CENPU: variants seen among roughly 807,000 people sequenced by gnomAD.
CENPU encodes KSHV latent nuclear antigen interacting protein 1.
In CENPU, 46 loss-of-function variants were observed where a neutral mutation model predicts 56.7. The ratio of observed to expected loss-of-function variants is 0.81; its 90% confidence interval spans 0.64 to 1.04. The LOEUF (loss-of-function observed/expected upper bound fraction) is 1.04. CENPU is among the 50% of genes least tolerant of loss of function. CENPU has a pLI of 0.00. For synonymous variants in CENPU, 166 were observed against 163.0 expected, an observed-to-expected ratio of 1.02 and a Z score of -0.14; for missense variants, 510 against 490.1, an observed-to-expected ratio of 1.04 and a Z score of -0.38.
At chr4:184,702,191 T>TA (rs1208169206) in intron 9 of CENPU, 55 bp from the exon 10 acceptor site, 1 of 1,370,346 alleles carries the variant, frequency 7.3e-7, no homozygotes, top group Non-Finnish European at 1.0e-6. Context: ...AAATGTTAAT[T>TA]AGTTTCACAT....
At chr4:184,713,092 C>T in intron 6 of CENPU, 79 bp from the exon 7 acceptor site, 1 of 934,542 alleles carries the variant, frequency 1.1e-6, no homozygotes, top group Non-Finnish European at 1.6e-6. Flanking sequence ...TGTCACCAAA[C>T]TGTCATTCAA....
intron 7 of CENPU, among the ~76,000 whole-genome samples, chr4:184,710,982 A>G (rs1306930028): frequency 2.0e-5 from 3 of 152,078 alleles, no homozygotes; most frequent in Non-Finnish European, 4.4e-5. Flanking sequence ...CAGCCTCCCA[A>G]GCAGCTGGGA....
chr4:184,700,490 T>C (rs1238941693), intron 11 of CENPU, among the ~76,000 whole-genome samples: 1 of 152,178 alleles, frequency 6.6e-6, no homozygotes, highest in Non-Finnish European at 1.5e-5. Context: ...GCGCAGCCAG[T>C]AAGTGGCAGA....
chr4:184,697,671 A>G lies in CENPU; in HGVS notation c.1119T>C (p.Ala373=). The G allele has an allele frequency of 6.2e-7, 1 of 1,613,184 alleles. No individual in the cohort carries two copies. Among genetic ancestry groups the G allele is most frequent in the African/African-American group, 1.3e-5 (1 of 74,966 alleles). The change falls in exon 12 of 13, where the codon GCT becomes GCC. Residue 373 remains alanine, a synonymous_variant. Coordinates refer to ENST00000281453, the MANE Select transcript of CENPU (RefSeq NM_024629.4). ...CCGTTTCCTTTACGTTTGGTTCTTG[A>G]GCTTGAACATCTGAATAATCTTGAT... ...QLYQDYSDVQ[A]QEPNVKETYD...
chr4:184,723,841 CAAAAAAAAAAAAA>C (rs11299367), intron 4 of CENPU, among the ~76,000 whole-genome samples: 1 of 58,446 alleles, frequency 1.7e-5, no homozygotes, highest in Non-Finnish European at 3.0e-5. Context: ...GACTCCATCT[CAAAAAAAAAAAAA>C]AAAAAAAAAA....
chr4:184,722,733 T>A (rs1442559653), intron 4 of CENPU, among the ~76,000 whole-genome samples: 1 of 150,234 alleles, frequency 6.7e-6, no homozygotes. Context: ...AACTGTAACA[T>A]AGGGCTAATC....
At chr4:184,710,038 T>G (rs1386470843) in intron 8 of CENPU, 34 bp downstream of exon 8, 3 of 1,233,450 alleles carry the variant, frequency 2.4e-6, no homozygotes, top group Non-Finnish European at 3.5e-6. Flanking sequence ...GGGAAATTTA[T>G]TAGGTAAATA....
chr4:184,721,478 AG>A (rs371578037), intron 4 of CENPU, among the ~76,000 whole-genome samples: 14,135 of 144,174 alleles, frequency 0.098, 965 homozygotes, highest in Non-Finnish European at 0.14. Context: ...AAAAAAAAAA[AG>A]GACCCAATGA....
chr4:184,705,579 TA>T (rs59492907), intron 8 of CENPU, among the ~76,000 whole-genome samples: 6,438 of 149,746 alleles, frequency 0.043, 444 homozygotes, highest in African/African-American at 0.15. Flanking sequence ...GACATTTAAT[TA>T]AAAAAAAAAG....
chr4:184,722,080 G>A (rs1761299979), intron 4 of CENPU, among the ~76,000 whole-genome samples: 1 of 152,076 alleles, frequency 6.6e-6, no homozygotes, highest in South Asian at 2.1e-4. Context: ...ATCAATAACA[G>A]GAGGAATTTT....
rs1332551860 is a variant in CENPU, at chr4:184,694,283, C to A, written c.*1005G>T. ...CGGGGAGTATTGAAAAGTATGTGCACAGAACTGTAGGTAATTTCAAATTTG... is the reference window on the plus strand; with the variant it reads ...CGGGGAGTATTGAAAAGTATGTGCAAAGAACTGTAGGTAATTTCAAATTTG... On this transcript the variant is annotated 3_prime_UTR_variant, in exon 13 of 13. Transcript: ENST00000281453. 1 of 1,281,036 alleles carries A rather than the reference C, an allele frequency of 7.8e-7. No individual in the cohort carries two copies. The highest frequency in any genetic ancestry group is 9.9e-7 in the Non-Finnish European group (1 of 1,009,724). The allele number at this position is 1,281,036 out of a possible 1,614,324, so 79.4% of individuals were successfully genotyped here.
In CENPU at chr4:184,699,666, CTCTTT is replaced by C. The variant is rs1421540503; in HGVS notation, c.986+1149_986+1153del. 4.9e-6 allele frequency: 6 copies of C among 1,227,118 alleles called. No homozygotes were observed. In the East Asian group the frequency reaches 3.4e-4, roughly 69 times the overall value. 76.0% of individuals were successfully genotyped at this position (1,227,118 alleles called of 1,614,324 possible). On this transcript the variant is annotated intron_variant, in intron 11 of 12. Coordinates refer to ENST00000281453, the MANE Select transcript of CENPU (RefSeq NM_024629.4). ...CCCACTTAAACTCCTGTGGCAGTCT[CTCTTT>C]TTTTTTTGAGACACAGTTTCACTCT...
At chr4:184,708,241 AAAAGC>A (rs1760797735) in intron 8 of CENPU, among the ~76,000 whole-genome samples, 1 of 145,140 alleles carries the variant, frequency 6.9e-6, no homozygotes, top group African/African-American at 2.6e-5. Flanking sequence ...AAAAAAAAAA[AAAAGC>A]AGAAATATTA....
chr4:184,706,223 G>GCCC (rs1760723368), intron 8 of CENPU, among the ~76,000 whole-genome samples: 1 of 152,066 alleles, frequency 6.6e-6, no homozygotes, highest in Non-Finnish European at 1.5e-5. Flanking sequence ...TTAAAATATA[G>GCCC]CCAGTCATGG....
At chr4:184,729,914 A>G (rs1761580025) in intron 2 of CENPU, among the ~76,000 whole-genome samples, 1 of 152,274 alleles carries the variant, frequency 6.6e-6, no homozygotes, top group Non-Finnish European at 1.5e-5. Flanking sequence ...CAAAAATAAG[A>G]AAATTCTGGA....
chr4:184,730,053 C>T (rs1761584974), intron 2 of CENPU, among the ~76,000 whole-genome samples: 1 of 152,158 alleles, frequency 6.6e-6, no homozygotes, highest in Admixed American at 6.5e-5. Flanking sequence ...GGTCTTCCAG[C>T]CCCTCCCAAG....
At position 184,717,087 on chromosome 4, in the gene CENPU, A is replaced by G; in HGVS notation, c.381+49T>C. On this transcript the variant is annotated intron_variant, in intron 5 of 12. Transcript: ENST00000281453. ...AGAACATTTTCTGTACTTGCATCCA[A>G]TCAAACTATATTACAAATTAAAGTA... 3 of 1,267,434 alleles carry G rather than the reference A, an allele frequency of 2.4e-6. No individual in the cohort carries two copies. In the South Asian group the frequency reaches 3.7e-5, roughly 16 times the overall value. 78.5% of individuals were successfully genotyped at this position (1,267,434 alleles called of 1,614,324 possible).
chr4:184,722,114 A>G (rs1761301120), intron 4 of CENPU, among the ~76,000 whole-genome samples: 2 of 152,230 alleles, frequency 1.3e-5, no homozygotes, highest in Admixed American at 1.3e-4. Flanking sequence ...ACACAGAGAG[A>G]TAAAACAACA....
chr4:184,728,376 A>G (rs7659922), intron 3 of CENPU, among the ~76,000 whole-genome samples: 152,152 of 152,308 alleles, frequency 1, 75,999 homozygotes, highest in Middle Eastern at 1. Context: ...AGATGTGGGG[A>G]CACATGGCAT....
Sources: allele counts gnomAD v4.1 joint callset (sites outside exome capture counted in the v4.1 genomes callset), GRCh38; gene constraint gnomAD v4.1.1; transcripts MANE v1.5; gene names NCBI Gene and HGNC (gene_info 2026-07-23, HGNC 2026-07-21).